Variants in PITPNC1 observed in about 807,000 individuals in gnomAD.
PITPNC1 encodes the protein cytoplasmic phosphatidylinositol transfer protein 1.
In PITPNC1, 18 loss-of-function variants were observed where a neutral mutation model predicts 44.7. The ratio of observed to expected loss-of-function variants is 0.40; its 90% confidence interval spans 0.28 to 0.60. PITPNC1 has a LOEUF of 0.60. PITPNC1 is among the 20% of genes least tolerant of loss of function. The pLI is 0.39. For missense variants in PITPNC1, 290 were observed against 418.4 expected (o/e 0.69, Z 2.68); for synonymous variants, 141 against 149.6 (o/e 0.94, Z 0.42).
intron 6 of PITPNC1, among the ~76,000 whole-genome samples, chr17:67,668,680 A>G (rs543627386): frequency 5.9e-5 from 9 of 152,168 alleles, no homozygotes; most frequent in African/African-American, 1.7e-4. Flanking sequence ...TGGCTAACAC[A>G]GTGAAACCCC....
chr17:67,474,380 C>T (rs2039595424), intron 1 of PITPNC1, among the ~76,000 whole-genome samples: 3 of 152,144 alleles, frequency 2.0e-5, no homozygotes, highest in Non-Finnish European at 2.9e-5. Context: ...GCCAAAATTC[C>T]TGGCCTCTAG....
In PITPNC1 at chr17:67,599,001, CATATAT is replaced by C. The variant is rs1172990089; in HGVS notation, c.366+20773_366+20778del. On this transcript the variant is annotated intron_variant, in intron 5 of 8. Transcript: ENST00000581322. ...TCAGCCCCCAAAACTATAAGAAATACATATATATATATATATATATATATATATATA... is the reference window on the plus strand; with the variant it reads ...TCAGCCCCCAAAACTATAAGAAATACATATATATATATATATATATATATA... Among the ~76,000 whole-genome samples, 378 of 45,114 alleles carry C rather than the reference CATATAT, an allele frequency of 8.4e-3. 12 individuals carry two copies. Among genetic ancestry groups the C allele is most frequent in the South Asian group, 0.016 (13 of 792 alleles). 29.6% of individuals were successfully genotyped at this position (45,114 alleles called of 152,430 possible). A position where few individuals can be genotyped will look rare whatever the true frequency, so the allele number is the denominator to read the frequency against.
At chr17:67,486,666 G>A (rs773945754) in intron 1 of PITPNC1, among the ~76,000 whole-genome samples, 14 of 152,160 alleles carry the variant, frequency 9.2e-5, no homozygotes, top group Non-Finnish European at 1.3e-4. Flanking sequence ...GAAAGGTGAC[G>A]TTTTGAATCT....
intron 6 of PITPNC1, among the ~76,000 whole-genome samples, chr17:67,656,961 G>A (rs1167911031): frequency 2.0e-5 from 3 of 152,120 alleles, no homozygotes; most frequent in Non-Finnish European, 2.9e-5. Flanking sequence ...TGTGAAGGGG[G>A]CAATTTAGAT....
chr17:67,554,931 A>G (rs73334056), intron 4 of PITPNC1, among the ~76,000 whole-genome samples: 3,483 of 152,324 alleles, frequency 0.023, 117 homozygotes, highest in African/African-American at 0.079. Flanking sequence ...CAGGAATAGT[A>G]TTCAGAGATT....
chr17:67,528,511 C>T (rs1201112364), intron 1 of PITPNC1, among the ~76,000 whole-genome samples: 1 of 152,118 alleles, frequency 6.6e-6, no homozygotes, highest in East Asian at 1.9e-4. Context: ...ATGTTGTGGC[C>T]TTTATTCAAC....
At chr17:67,469,930 A>G (rs535196238) in intron 1 of PITPNC1, among the ~76,000 whole-genome samples, 191 of 152,130 alleles carry the variant, frequency 1.3e-3, no homozygotes, top group African/African-American at 4.2e-3. Context: ...GTATATATAT[A>G]ATTTTTTTTT....
chr17:67,674,288 G>A (rs1344915867), intron 7 of PITPNC1, among the ~76,000 whole-genome samples: 1 of 152,112 alleles, frequency 6.6e-6, no homozygotes, highest in Non-Finnish European at 1.5e-5. Context: ...TGAACTGCTC[G>A]AGGCCGGGAG....
intron 4 of PITPNC1, among the ~76,000 whole-genome samples, chr17:67,558,299 CTT>C: frequency 6.6e-6 from 1 of 151,858 alleles, no homozygotes; most frequent in African/African-American, 2.4e-5. Flanking sequence ...AAAAAAAACA[CTT>C]AATTATACAG....
At chr17:67,586,317 C>T (rs1301515728) in intron 5 of PITPNC1, among the ~76,000 whole-genome samples, 1 of 150,820 alleles carries the variant, frequency 6.6e-6, no homozygotes, top group East Asian at 1.9e-4. Context: ...TGGCTGGGTA[C>T]AGTGGCTTAT....
intron 1 of PITPNC1, among the ~76,000 whole-genome samples, chr17:67,494,455 C>T (rs2039915789): frequency 1.3e-5 from 2 of 152,216 alleles, no homozygotes; most frequent in Admixed American, 1.3e-4. Flanking sequence ...GCCTCGGCCT[C>T]CCAAAGTGCT....
At chr17:67,534,162 T>G (rs1236007602) in intron 2 of PITPNC1, among the ~76,000 whole-genome samples, 6 of 152,086 alleles carry the variant, frequency 3.9e-5, no homozygotes, top group African/African-American at 1.4e-4. Context: ...CTCAAAGTGC[T>G]GGGATTACGG....
chr17:67,646,294 T>G (rs555071306), intron 6 of PITPNC1, among the ~76,000 whole-genome samples: 1 of 152,348 alleles, frequency 6.6e-6, no homozygotes, highest in Non-Finnish European at 1.5e-5. Flanking sequence ...AGAGCGATTG[T>G]CTGCTCCACA....
chr17:67,548,045 C>T (rs1446106731), intron 2 of PITPNC1, among the ~76,000 whole-genome samples: 1 of 152,148 alleles, frequency 6.6e-6, no homozygotes, highest in African/African-American at 2.4e-5. Flanking sequence ...TAGCACTGCC[C>T]ACCCCACCTC....
intron 1 of PITPNC1, among the ~76,000 whole-genome samples, chr17:67,402,012 G>T (rs551507584): frequency 6.6e-6 from 1 of 152,084 alleles, no homozygotes; most frequent in African/African-American, 2.4e-5. Context: ...AATATTGAAC[G>T]CAATGCGTTA....
chr17:67,437,167 G>C (rs2038949737), intron 1 of PITPNC1, among the ~76,000 whole-genome samples: 1 of 151,992 alleles, frequency 6.6e-6, no homozygotes, highest in South Asian at 2.1e-4. Flanking sequence ...TAATCCACCT[G>C]CCTCGGCCTC....
chr17:67,494,186 T>TCC (rs67689051), intron 1 of PITPNC1, among the ~76,000 whole-genome samples: 1 of 8,134 alleles, frequency 1.2e-4, no homozygotes, highest in African/African-American at 7.5e-4. Flanking sequence ...TTTCTTTCTT[T>TCC]TTCTTTCTTT....
intron 1 of PITPNC1, among the ~76,000 whole-genome samples, chr17:67,460,888 C>T (rs1192111663): frequency 2.0e-5 from 3 of 147,966 alleles, no homozygotes; most frequent in Non-Finnish European, 3.0e-5. Flanking sequence ...ATTATAGGCG[C>T]GCGCCACCAT....
At chr17:67,438,148 T>C (rs905411043) in intron 1 of PITPNC1, among the ~76,000 whole-genome samples, 3 of 152,204 alleles carry the variant, frequency 2.0e-5, no homozygotes, top group African/African-American at 7.2e-5. Context: ...TGTCTGACCT[T>C]CAGGTCACTC....
Sources: allele counts gnomAD v4.1 joint callset (sites outside exome capture counted in the v4.1 genomes callset), GRCh38; gene constraint gnomAD v4.1.1; transcripts MANE v1.5; gene names NCBI Gene and HGNC (gene_info 2026-07-23, HGNC 2026-07-21).